The following CSMD1 variants were observed in gnomAD, a reference collection of about 807,000 sequenced individuals.
CSMD1 encodes CUB and Sushi multiple domains 1.
A neutral mutation model predicts 417.5 loss-of-function variants in CSMD1; 213 were observed. That is an observed-to-expected ratio of 0.51 (90% CI 0.46 to 0.57). CSMD1 has a LOEUF of 0.57. CSMD1 is among the 20% of genes least tolerant of loss of function. The pLI, the probability that CSMD1 is intolerant of heterozygous loss-of-function variation, is 0.00. For missense variants in CSMD1, 6,923 were observed against 4,529.7 expected (o/e 1.53, Z -15.17); for synonymous variants, 2,862 against 1,736.8 (o/e 1.65, Z -16.11).
chr8:4,116,935 C>G (rs1207823816), intron 3 of CSMD1, among the ~76,000 whole-genome samples: 1 of 152,014 alleles, frequency 6.6e-6, no homozygotes, highest in Non-Finnish European at 1.5e-5. Context: ...CATCCTTTGT[C>G]TTTTCCATGA....
intron 2 of CSMD1, among the ~76,000 whole-genome samples, chr8:4,435,050 T>C (rs1254920756): frequency 1.3e-5 from 2 of 152,168 alleles, no homozygotes; most frequent in Non-Finnish European, 2.9e-5. Context: ...ATGTCTAATA[T>C]AGTTTGTGTG....
intron 3 of CSMD1, among the ~76,000 whole-genome samples, chr8:4,137,582 G>A (rs982337232): frequency 7.6e-6 from 1 of 131,102 alleles, no homozygotes; most frequent in Non-Finnish European, 1.8e-5. Flanking sequence ...GATGTTAATG[G>A]AACTGGTTGG....
chr8:3,711,372 T>A (rs991931252), intron 6 of CSMD1, among the ~76,000 whole-genome samples: 1 of 152,088 alleles, frequency 6.6e-6, no homozygotes. Flanking sequence ...GGCCAGAGGG[T>A]GGCTGTTCAT....
chr8:4,717,338 CGT>C (rs1430620263), intron 1 of CSMD1, among the ~76,000 whole-genome samples: 37 of 63,564 alleles, frequency 5.8e-4, no homozygotes, highest in African/African-American at 5.4e-3. Context: ...CACACACACA[CGT>C]ATATATACAC....
At chr8:3,789,772 C>T (rs116409577) in intron 5 of CSMD1, among the ~76,000 whole-genome samples, 3,278 of 142,462 alleles carry the variant, frequency 0.023, 140 homozygotes, top group African/African-American at 0.08. Context: ...ACTCTGTCTC[C>T]GAGGCTGGAG....
intron 5 of CSMD1, among the ~76,000 whole-genome samples, chr8:3,866,260 C>T (rs1805097030): frequency 6.6e-6 from 1 of 152,120 alleles, no homozygotes; most frequent in African/African-American, 2.4e-5. Flanking sequence ...TTGTAATTAC[C>T]TATAAACAAC....
intron 1 of CSMD1, among the ~76,000 whole-genome samples, chr8:4,699,225 T>C (rs1157723923): frequency 6.6e-6 from 1 of 152,212 alleles, no homozygotes; most frequent in Admixed American, 6.5e-5. Flanking sequence ...TGTTTTCCTT[T>C]GCTTAAAGGA....
At chr8:4,310,177 T>A (rs1310577848) in intron 3 of CSMD1, among the ~76,000 whole-genome samples, 1 of 152,152 alleles carries the variant, frequency 6.6e-6, no homozygotes, top group Non-Finnish European at 1.5e-5. Flanking sequence ...CATCAGACCA[T>A]AAAGAAACAA....
At chr8:4,610,131 G>C (rs965098301) in intron 2 of CSMD1, among the ~76,000 whole-genome samples, 1 of 150,926 alleles carries the variant, frequency 6.6e-6, no homozygotes, top group Non-Finnish European at 1.5e-5. Context: ...GTCATTTAAA[G>C]ACTAATAGGT....
intron 3 of CSMD1, among the ~76,000 whole-genome samples, chr8:4,212,452 T>C (rs950221880): frequency 6.6e-6 from 1 of 152,096 alleles, no homozygotes. Flanking sequence ...TCATGAAAAA[T>C]GTACTTAACA....
chr8:3,425,065 C>G (rs554586621), intron 12 of CSMD1, among the ~76,000 whole-genome samples: 6 of 152,138 alleles, frequency 3.9e-5, no homozygotes, highest in African/African-American at 1.2e-4. Flanking sequence ...GTTCCAAGTC[C>G]CTGGGCTCAA....
intron 3 of CSMD1, among the ~76,000 whole-genome samples, chr8:4,289,792 A>G (rs903952101): frequency 3.3e-5 from 5 of 152,228 alleles, no homozygotes; most frequent in Non-Finnish European, 5.9e-5. Flanking sequence ...AAAAGGAGGT[A>G]TCCACCTTTG....
chr8:3,699,145 C>G (rs1425121420), intron 7 of CSMD1, among the ~76,000 whole-genome samples: 1 of 152,238 alleles, frequency 6.6e-6, no homozygotes, highest in Non-Finnish European at 1.5e-5. Flanking sequence ...AACAAATGAA[C>G]TCCTTCAGCA....
At chr8:4,172,111 C>G (rs945694698) in intron 3 of CSMD1, among the ~76,000 whole-genome samples, 1 of 152,084 alleles carries the variant, frequency 6.6e-6, no homozygotes, top group Non-Finnish European at 1.5e-5. Context: ...TCATGCGGAT[C>G]ATTTCAGTAG....
At chr8:4,793,384 T>C (rs1303594802) in intron 1 of CSMD1, among the ~76,000 whole-genome samples, 1 of 152,070 alleles carries the variant, frequency 6.6e-6, no homozygotes, top group East Asian at 1.9e-4. Flanking sequence ...AGAATAAATT[T>C]TGTTTCAAAA....
At chr8:3,128,937 T>A (rs1490870104) in intron 41 of CSMD1, 2 of 431,742 alleles carry the variant, frequency 4.6e-6, no homozygotes, top group African/African-American at 2.1e-5. Flanking sequence ...GATCTAAGGG[T>A]ATCTCACAAA....
At chr8:3,694,432 G>A (rs1800435908) in intron 7 of CSMD1, among the ~76,000 whole-genome samples, 2 of 152,166 alleles carry the variant, frequency 1.3e-5, no homozygotes, top group Admixed American at 1.3e-4. Flanking sequence ...AACTGTGTCA[G>A]GCAGACAGCT....
chr8:4,527,494 T>C (rs1356608907), intron 2 of CSMD1, among the ~76,000 whole-genome samples: 1 of 152,170 alleles, frequency 6.6e-6, no homozygotes, highest in Non-Finnish European at 1.5e-5. Context: ...TGTCAAGATA[T>C]AAAGAATGAG....
intron 5 of CSMD1, among the ~76,000 whole-genome samples, chr8:3,868,417 G>A (rs1185206358): frequency 6.6e-6 from 1 of 152,056 alleles, no homozygotes; most frequent in African/African-American, 2.4e-5. Flanking sequence ...CCACACAAGG[G>A]CAGCTGGGGG....
Sources: gnomAD v4.1 joint callset for allele counts (sites outside exome capture counted in the v4.1 genomes callset) on GRCh38, gnomAD v4.1.1 for gene constraint, MANE v1.5 for transcripts, NCBI Gene and HGNC (gene_info 2026-07-23, HGNC 2026-07-21) for gene names.